Variants in SLC16A10 observed in about 807,000 individuals in gnomAD.
The protein encoded by SLC16A10 is monocarboxylate transporter 10.
In SLC16A10, 27 loss-of-function variants were observed where a neutral mutation model predicts 40.0. The observed-to-expected ratio is 0.67, with a 90% CI of 0.50 to 0.93. The LOEUF (loss-of-function observed/expected upper bound fraction) is 0.93. Among genes scored for constraint, SLC16A10 ranks in the 40% least tolerant of loss-of-function variants. SLC16A10 has a pLI of 0.00. For synonymous variants in SLC16A10, 213 were observed against 249.8 expected (o/e 0.85, Z 1.39); for missense variants, 529 against 658.2 (o/e 0.80, Z 2.15).
chr6:111,128,593 G>A (rs1020780623), intron 1 of SLC16A10, among the ~76,000 whole-genome samples: 1 of 152,116 alleles, frequency 6.6e-6, no homozygotes, highest in African/African-American at 2.4e-5. Flanking sequence ...TCTACTGGAC[G>A]AGTTCCACCT....
chr6:111,165,980 C>T (rs1772465765), intron 1 of SLC16A10, among the ~76,000 whole-genome samples: 1 of 152,074 alleles, frequency 6.6e-6, no homozygotes, highest in South Asian at 2.1e-4. Flanking sequence ...CTTCAGAGAC[C>T]TGTAGCAAAG....
chr6:111,100,363 A>T (rs1477985988), intron 1 of SLC16A10, among the ~76,000 whole-genome samples: 1 of 152,102 alleles, frequency 6.6e-6, no homozygotes, highest in African/African-American at 2.4e-5. Flanking sequence ...ATTTGTAATT[A>T]TTTGGGGATT....
intron 1 of SLC16A10, among the ~76,000 whole-genome samples, chr6:111,152,143 A>C (rs1332010475): frequency 6.6e-6 from 1 of 152,194 alleles, no homozygotes; most frequent in African/African-American, 2.4e-5. Flanking sequence ...CTTCCTGTTC[A>C]TACTTATCCA....
At chr6:111,206,448 A>C (rs1773256506) in intron 3 of SLC16A10, 144 bp from the exon 4 acceptor site, 1 of 796,964 alleles carries the variant, frequency 1.3e-6, no homozygotes, top group African/African-American at 1.8e-5. Context: ...AAATTATCAC[A>C]GGACAAGTTT....
intron 4 of SLC16A10, among the ~76,000 whole-genome samples, chr6:111,216,239 A>G (rs566311615): frequency 2.5e-4 from 38 of 152,240 alleles, no homozygotes; most frequent in Non-Finnish European, 4.7e-4. Context: ...AGGCCCAACA[A>G]TTACTCACCA....
In SLC16A10 at chr6:111,183,800, T is replaced by A. The variant is rs376315341; in HGVS notation, c.942+6135T>A. On this transcript the variant is annotated intron_variant, in intron 3 of 5. Coordinates refer to ENST00000368851, the MANE Select transcript of SLC16A10 (RefSeq NM_018593.5). ...TAAGATAAATAGAAGAAATTTCTGG[T>A]CCCTCAAGTAACTGTGTCTTCAGTA... Among the ~76,000 whole-genome samples the A allele has an allele frequency of 1.5e-3, 224 of 152,266 alleles. 6 individuals are homozygous for A. The South Asian group carries it at 0.045, about 30-fold the overall frequency.
intron 1 of SLC16A10, among the ~76,000 whole-genome samples, chr6:111,140,861 C>T (rs912288445): frequency 1.3e-5 from 2 of 152,154 alleles, no homozygotes; most frequent in African/African-American, 2.4e-5. Flanking sequence ...TCATGGTTCA[C>T]TGCAACCTCA....
chr6:111,129,738 T>G (rs1340951521), intron 1 of SLC16A10, among the ~76,000 whole-genome samples: 1 of 152,186 alleles, frequency 6.6e-6, no homozygotes, highest in Non-Finnish European at 1.5e-5. Context: ...TTGCCTTTTC[T>G]CTCTTGGGCC....
At chr6:111,140,741 A>G (rs1388492871) in intron 1 of SLC16A10, among the ~76,000 whole-genome samples, 4 of 152,254 alleles carry the variant, frequency 2.6e-5, no homozygotes, top group Non-Finnish European at 5.9e-5. Flanking sequence ...ATGGCATTAA[A>G]TAATTGAAAG....
At chr6:111,137,805 G>A (rs1280770197) in intron 1 of SLC16A10, among the ~76,000 whole-genome samples, 2 of 152,220 alleles carry the variant, frequency 1.3e-5, no homozygotes, top group Admixed American at 6.5e-5. Context: ...GCCTAGCTGG[G>A]AAGGTGACTG....
chr6:111,177,774 G>A, intron 3 of SLC16A10, 109 bp downstream of exon 3: 1 of 964,320 alleles, frequency 1.0e-6, no homozygotes, highest in Non-Finnish European at 1.5e-6. Context: ...TATCCTGGTT[G>A]TAATTTTGGT....
intron 3 of SLC16A10, among the ~76,000 whole-genome samples, chr6:111,202,748 G>A (rs779216923): frequency 4.6e-5 from 7 of 151,814 alleles, no homozygotes; most frequent in Admixed American, 2.6e-4. Flanking sequence ...TAAGCCGGGC[G>A]TGGTGGCGGG....
chr6:111,099,318 G>A (rs761264562), intron 1 of SLC16A10, among the ~76,000 whole-genome samples: 1 of 152,106 alleles, frequency 6.6e-6, no homozygotes, highest in Non-Finnish European at 1.5e-5. Context: ...TTGTATGTAT[G>A]TATTTATTTA....
intron 3 of SLC16A10, among the ~76,000 whole-genome samples, chr6:111,192,060 CT>C (rs949047065): frequency 6.6e-4 from 100 of 152,206 alleles, no homozygotes; most frequent in South Asian, 1.5e-3. Context: ...GTTGCCATTG[CT>C]TTTGGTGTTG....
rs758723130 is a variant in SLC16A10 at position 111,088,073 on chromosome 6, T to C, written c.321T>C (p.Asp107=). 3.7e-6 allele frequency: 6 copies of C among 1,607,240 alleles called. No individual in the cohort carries two copies. In the East Asian group the frequency reaches 1.1e-4, roughly 30 times the overall value. Residue 107 remains aspartate, a synonymous_variant, in exon 1 of 6, where the codon GAT becomes GAC. Coordinates refer to ENST00000368851, the MANE Select transcript of SLC16A10 (RefSeq NM_018593.5). The part of the protein sequence containing the change: ...SMLETFGSKD[D]DKMVFKTAWV... ...TGGAAACCTTCGGCTCCAAAGACGA[T>C]GACAAGATGGTCTTTAAGACAGGTG...
At position 111,225,509 on chromosome 6, in the gene SLC16A10, C is replaced by G. The variant is rs1487941104; in HGVS notation, c.*3274C>G. The G allele has an allele frequency of 6.8e-6, 1 of 146,422 alleles. No individual in the cohort carries two copies. The highest frequency in any genetic ancestry group is 1.5e-5 in the Non-Finnish European group (1 of 67,520). 9.1% of individuals were successfully genotyped at this position (146,422 alleles called of 1,614,324 possible). A position where few individuals can be genotyped will look rare whatever the true frequency, so the allele number is the denominator to read the frequency against. ...AGGTTGCAGTGAGGCGAGATTGCGC[C>G]ACTGCACTCCAGCCTGGGCGACAGA... On this transcript the variant is annotated 3_prime_UTR_variant, in exon 6 of 6. Transcript: ENST00000368851.
intron 1 of SLC16A10, among the ~76,000 whole-genome samples, chr6:111,092,828 T>C (rs1207863770): frequency 1.3e-5 from 2 of 150,256 alleles, no homozygotes; most frequent in Admixed American, 1.3e-4. Flanking sequence ...TCACCTGAGG[T>C]CAGGAGATTG....
At chr6:111,146,736 C>CA (rs58677368) in intron 1 of SLC16A10, among the ~76,000 whole-genome samples, 16,892 of 133,922 alleles carry the variant, frequency 0.13, 1,054 homozygotes, top group Middle Eastern at 0.19. Context: ...GACTCCGTCT[C>CA]AAAAAAAAAA....
chr6:111,201,310 A>G (rs1353977106), intron 3 of SLC16A10, among the ~76,000 whole-genome samples: 1 of 152,154 alleles, frequency 6.6e-6, no homozygotes, highest in Non-Finnish European at 1.5e-5. Context: ...GTGGGGGTAG[A>G]GGGGTTGTTT....
Sources: gnomAD v4.1 joint callset for allele counts (sites outside exome capture counted in the v4.1 genomes callset) on GRCh38, gnomAD v4.1.1 for gene constraint, MANE v1.5 for transcripts, NCBI Gene and HGNC (gene_info 2026-07-23, HGNC 2026-07-21) for gene names.